The following CELA3A variants were observed in gnomAD, a reference collection of about 807,000 sequenced individuals.
The protein encoded by CELA3A is chymotrypsin like elastase 3A.
CELA3A carries 35 observed loss-of-function variants against 38.6 expected under a neutral mutation model. The observed-to-expected ratio is 0.91, with a 90% CI of 0.69 to 1.20. The LOEUF (loss-of-function observed/expected upper bound fraction) is 1.20. CELA3A is among the 50% of genes most tolerant of loss of function. CELA3A has a pLI of 0.00. For synonymous variants in CELA3A, 143 were observed against 136.7 expected, an observed-to-expected ratio of 1.05 and a Z score of -0.32; for missense variants, 343 against 354.2, an observed-to-expected ratio of 0.97 and a Z score of 0.25.
intron 4 of CELA3A, chr1:22,006,120 G>A (rs1330752056): frequency 2.7e-5 from 9 of 332,456 alleles, no homozygotes; most frequent in East Asian, 5.6e-5. Flanking sequence ...CCCCATATCC[G>A]AGGGTTTCTC....
Position 22,008,281 on chromosome 1 carries a change from G to A in CELA3A, c.642+766G>A, listed in dbSNP as rs1018879639. Among the ~76,000 whole-genome samples the A allele has an allele frequency of 2.4e-4, 36 of 148,444 alleles. 1 individual carries two copies. The highest frequency in any genetic ancestry group is 8.8e-4 in the African/African-American group (35 of 39,954). On this transcript the variant is annotated intron_variant, in intron 6 of 7. Transcript: ENST00000290122. Reference sequence around the variant, plus strand: ...CCCTCCAATGTCAGCCTCCCAAGCAGCCAGGAGTACAAGTGTGTGCCACAA... The same window carrying A: ...CCCTCCAATGTCAGCCTCCCAAGCAACCAGGAGTACAAGTGTGTGCCACAA...
intron 1 of CELA3A, among the ~76,000 whole-genome samples, chr1:22,002,225 T>C (rs1316402622): frequency 2.0e-5 from 3 of 151,276 alleles, no homozygotes; most frequent in Admixed American, 1.3e-4. Context: ...GTTTAGGGAT[T>C]TTCTTATACT....
Position 22,002,208 on chromosome 1 carries a change from G to A in CELA3A, c.43+491G>A, listed in dbSNP as rs1644922415. Among the ~76,000 whole-genome samples, 2 of 151,102 alleles carry A rather than the reference G, an allele frequency of 1.3e-5. 1 individual carries two copies. The highest frequency in any genetic ancestry group is 4.9e-5 in the African/African-American group (2 of 40,718). The stretch of plus-strand genomic sequence containing the variant: ...ATTGATTGAGTGCTTACTATGCCAG[G>A]CAGAATGTTTAGGGATTTTCTTATA... On this transcript the variant is annotated intron_variant, in intron 1 of 7. Coordinates refer to ENST00000290122, the MANE Select transcript of CELA3A (RefSeq NM_005747.5).
intron 6 of CELA3A, among the ~76,000 whole-genome samples, chr1:22,009,390 C>T (rs1644969915): frequency 6.7e-6 from 1 of 149,954 alleles, no homozygotes; most frequent in Admixed American, 6.6e-5. Context: ...AATAAATAAA[C>T]AAAAATTAGC....
chr1:22,009,173 G>C (rs1392772260), intron 6 of CELA3A, among the ~76,000 whole-genome samples: 1 of 151,222 alleles, frequency 6.6e-6, no homozygotes, highest in Non-Finnish European at 1.5e-5. Context: ...AGACCATCCT[G>C]GCTAACACGG....
chr1:22,007,609 G>A lies in CELA3A; in HGVS notation c.642+94G>A, dbSNP rs548956208. 1.8e-3 allele frequency: 2,646 copies of A among 1,509,166 alleles called. 17 individuals carry two copies. Among genetic ancestry groups the A allele is most frequent in the Non-Finnish European group, 2.0e-3 (2,269 of 1,123,008 alleles). The allele number at this position is 1,509,166 out of a possible 1,614,324, so 93.5% of individuals were successfully genotyped here. On this transcript the variant is annotated intron_variant, in intron 6 of 7. Coordinates refer to ENST00000290122, the MANE Select transcript of CELA3A (RefSeq NM_005747.5). Reference sequence around the variant, plus strand: ...GGAAGGTGGAGGAAGGATCTTGCCTGCTTGCCCCATTCAGCCTCCAGGCCA... The same window carrying A: ...GGAAGGTGGAGGAAGGATCTTGCCTACTTGCCCCATTCAGCCTCCAGGCCA...
intron 1 of CELA3A, chr1:22,002,386 TGG>T (rs1031277144): frequency 2.7e-6 from 1 of 364,254 alleles, no homozygotes; most frequent in Non-Finnish European, 5.4e-6. Flanking sequence ...TTTGTAGAGA[TGG>T]GGTCTTGCTT....
Position 22,009,790 on chromosome 1 carries a change from G to T in CELA3A, c.728G>T (p.Gly243Val), listed in dbSNP as rs1263302419. 1 of 1,612,086 alleles carries T rather than the reference G, an allele frequency of 6.2e-7. No homozygotes were observed. The highest frequency in any genetic ancestry group is 8.5e-7 in the Non-Finnish European group (1 of 1,179,310). ...GTGACCAGCTTTGTTTCTGCCTTTGGCTGCAACTTCATCTGGAAGCCCACG... is the reference window on the plus strand; with the variant it reads ...GTGACCAGCTTTGTTTCTGCCTTTGTCTGCAACTTCATCTGGAAGCCCACG... ...HGVTSFVSAF[G>V]CNFIWKPTVF... The change falls in exon 7 of 8, where the codon GGC becomes GTC. Residue 243 changes from glycine to valine, a missense_variant. Coordinates refer to ENST00000290122, the MANE Select transcript of CELA3A (RefSeq NM_005747.5).
At position 22,005,752 on chromosome 1, in the gene CELA3A, G is replaced by A; in HGVS notation, c.318G>A (p.Glu106=). The change falls in exon 4 of 8, where the codon GAG becomes GAA. Residue 106 remains glutamate, a synonymous_variant. Transcript: ENST00000290122. ...AGGTGATCCCCATCAACTCTGAGGA[G>A]CTGTTTGTGCATCCACTCTGGAACC... The part of the protein sequence containing the change: ...PEQVIPINSE[E]LFVHPLWNRS... 1 of 1,608,010 alleles carries A rather than the reference G, an allele frequency of 6.2e-7. No homozygotes were observed.
intron 6 of CELA3A, among the ~76,000 whole-genome samples, chr1:22,009,214 A>C (rs906899102): frequency 6.6e-6 from 1 of 150,918 alleles, no homozygotes; most frequent in African/African-American, 2.5e-5. Flanking sequence ...AAATACAAAA[A>C]TTAGCCGGGC....
At chr1:22,012,353 G>T in intron 7 of CELA3A, 97 bp from the exon 8 acceptor site, 1 of 1,363,812 alleles carries the variant, frequency 7.3e-7, no homozygotes, top group South Asian at 1.2e-5. Context: ...CTCTCCCAGG[G>T]TCACACAGCA....
At position 22,005,672 on chromosome 1, in the gene CELA3A, A is replaced by G; in HGVS notation, c.238A>G (p.Thr80Ala). Residue 80 changes from threonine (T) to alanine (A), a missense_variant, in exon 4 of 8, where the codon ACC becomes GCC. Thr to Ala is a moderately conservative substitution (Grantham distance 58). Transcript: ENST00000290122. Reference protein sequence around the residue: ...TAGHCISRDLTYQVVLGEYNL... With the variant: ...TAGHCISRDLAYQVVLGEYNL... ...CACCTCTGCCTGCAGGAGGGATCTG[A>G]CCTACCAGGTGGTGTTGGGTGAGTA... 6.2e-7 allele frequency: 1 copy of G among 1,612,338 alleles called. No homozygotes were observed. The highest frequency in any genetic ancestry group is 8.5e-7 in the Non-Finnish European group (1 of 1,179,416).
In CELA3A at chr1:22,009,802, T is replaced by C. The variant is rs572609699; in HGVS notation, c.740T>C (p.Ile247Thr). ...SFVSAFGCNF[I>T]WKPTVFTRVS... ...GTTTCTGCCTTTGGCTGCAACTTCA[T>C]CTGGAAGCCCACGGTGTTCACTCGA... The change falls in exon 7 of 8, where the codon ATC becomes ACC. Residue 247 changes from isoleucine (I) to threonine (T), a missense_variant. Transcript: ENST00000290122. 31 of 1,610,274 alleles carry C rather than the reference T, an allele frequency of 1.9e-5. No individual in the cohort carries two copies. In the Admixed American group the frequency reaches 5.0e-4, roughly 26 times the overall value.
rs7519660 is a variant in CELA3A, at chr1:22,003,050, C to A, written c.91C>A (p.His31Asn). ...CTCTCACTCTTCCAGCCGCGTTGTC[C>A]ATGGTGAGGATGCGGTCCCCTACAG... Reference protein sequence around the residue: ...PSSHSSSRVVHGEDAVPYSWP... With the variant: ...PSSHSSSRVVNGEDAVPYSWP... The change falls in exon 2 of 8, where the codon CAT becomes AAT. Residue 31 changes from histidine (H) to asparagine (N), a missense_variant. Physicochemically the swap from His to Asn is moderately conservative, Grantham distance 68. Coordinates refer to ENST00000290122, the MANE Select transcript of CELA3A (RefSeq NM_005747.5). The A allele has an allele frequency of 0.013, 19,428 of 1,519,048 alleles. 3,068 individuals carry two copies. In the African/African-American group the frequency reaches 0.21, roughly 16 times the overall value. 94.1% of individuals were successfully genotyped at this position (1,519,048 alleles called of 1,614,324 possible). A position where few individuals can be genotyped will look rare whatever the true frequency, so the allele number is the denominator to read the frequency against.
At chr1:22,007,294 G>A in intron 5 of CELA3A, 79 bp from the exon 6 acceptor site, 1 of 1,522,802 alleles carries the variant, frequency 6.6e-7, no homozygotes, top group Non-Finnish European at 8.8e-7. Flanking sequence ...AAGAACTGTG[G>A]GCCTTGAATG....
rs376151116 is a variant in CELA3A, at chr1:22,005,665, G to A, written c.231G>A (p.Arg77=). Residue 77 remains arginine, a synonymous_variant, in exon 4 of 8, where the codon AGG becomes AGA. Transcript: ENST00000290122. ...CTGACCTCACCTCTGCCTGCAGGAG[G>A]GATCTGACCTACCAGGTGGTGTTGG... ...WVVTAGHCIS[R]DLTYQVVLGE... The A allele has an allele frequency of 3.7e-6, 6 of 1,612,388 alleles. No homozygotes were observed. The highest frequency in any genetic ancestry group is 5.1e-6 in the Non-Finnish European group (6 of 1,179,450).
At chr1:22,006,425 G>A (rs1644950292) in intron 4 of CELA3A, among the ~76,000 whole-genome samples, 1 of 151,358 alleles carries the variant, frequency 6.6e-6, no homozygotes, top group South Asian at 2.1e-4. Flanking sequence ...TACTGGAAAG[G>A]CTGAGGCAGG....
Position 22,002,988 on chromosome 1 carries a change from T to G in CELA3A, c.44-15T>G, listed in dbSNP as rs764837694. ...GGACCCTCCAGCTGATTGACAGCTC[T>G]CCTCTCCCCTCTAGCCTCAGGCTAT... On this transcript the variant is annotated splice_polypyrimidine_tract_variant and intron_variant, in intron 1 of 7. Transcript: ENST00000290122. The G allele has an allele frequency of 3.8e-6, 6 of 1,578,346 alleles. No individual in the cohort carries two copies. Among genetic ancestry groups the G allele is most frequent in the Non-Finnish European group, 3.4e-6 (4 of 1,164,756 alleles).
chr1:22,007,877 C>G (rs1453187192), intron 6 of CELA3A, among the ~76,000 whole-genome samples: 1 of 151,198 alleles, frequency 6.6e-6, no homozygotes. Flanking sequence ...TTGTTCTGGG[C>G]ACAGTCCCTC....
Sources: allele counts gnomAD v4.1 joint callset (sites outside exome capture counted in the v4.1 genomes callset), GRCh38; gene constraint gnomAD v4.1.1; transcripts MANE v1.5; gene names NCBI Gene and HGNC (gene_info 2026-07-23, HGNC 2026-07-21).